The following LRP1B variants were observed in gnomAD, a reference collection of about 807,000 sequenced individuals.
LRP1B encodes low-density lipoprotein receptor-related protein 1B.
Under a neutral mutation model 556.6 loss-of-function variants are expected in LRP1B, and 217 were observed. The ratio of observed to expected loss-of-function variants is 0.39; its 90% CI spans 0.35 to 0.44. LRP1B has a LOEUF of 0.44. LRP1B is among the 20% of genes least tolerant of loss of function. The pLI, the probability that LRP1B is intolerant of heterozygous loss-of-function variation, is 1.00. For missense variants in LRP1B, 5,053 were observed against 5,620.8 expected (o/e 0.90, Z 3.23); for synonymous variants, 2,047 against 1,865.8 (o/e 1.10, Z -2.50).
intron 2 of LRP1B, among the ~76,000 whole-genome samples, chr2:141,800,976 T>C (rs1039627393): frequency 2.0e-5 from 3 of 152,196 alleles, no homozygotes; most frequent in African/African-American, 7.2e-5. Context: ...ATGAATAATG[T>C]ATCATTTATT....
chr2:141,032,048 G>A (rs1038713044), intron 11 of LRP1B, among the ~76,000 whole-genome samples: 2 of 151,972 alleles, frequency 1.3e-5, no homozygotes, highest in South Asian at 2.1e-4. Flanking sequence ...GTCAGATGCA[G>A]GTGCAAAAAT....
At chr2:141,094,422 A>G (rs1379332164) in intron 7 of LRP1B, among the ~76,000 whole-genome samples, 1 of 152,166 alleles carries the variant, frequency 6.6e-6, no homozygotes, top group Non-Finnish European at 1.5e-5. Flanking sequence ...TTTAGTGTTT[A>G]AGGGGGTCTT....
intron 2 of LRP1B, among the ~76,000 whole-genome samples, chr2:141,721,931 T>C (rs763022736): frequency 6.6e-6 from 1 of 152,160 alleles, no homozygotes; most frequent in Non-Finnish European, 1.5e-5. Flanking sequence ...CAGACCCTAG[T>C]AGGTTAAAAC....
intron 1 of LRP1B, among the ~76,000 whole-genome samples, chr2:141,873,832 A>G (rs1698669563): frequency 1.3e-5 from 2 of 151,906 alleles, no homozygotes; most frequent in African/African-American, 4.8e-5. Flanking sequence ...TATTGAGCAA[A>G]TTTGGACCAC....
intron 43 of LRP1B, among the ~76,000 whole-genome samples, chr2:140,580,858 A>C (rs934014642): frequency 6.6e-6 from 1 of 152,122 alleles, no homozygotes; most frequent in African/African-American, 2.4e-5. Context: ...CTCCAGAAAT[A>C]TCCTCCTGGA....
chr2:141,286,773 C>T (rs1042723904), intron 3 of LRP1B: 2 of 437,630 alleles, frequency 4.6e-6, no homozygotes, highest in Non-Finnish European at 9.3e-6. Flanking sequence ...TGTACTTGTA[C>T]ATTGTACAAG....
At chr2:140,584,195 A>G (rs999331200) in intron 43 of LRP1B, among the ~76,000 whole-genome samples, 2 of 152,120 alleles carry the variant, frequency 1.3e-5, no homozygotes, top group Non-Finnish European at 2.9e-5. Flanking sequence ...AATACAAAAA[A>G]TAAGAAATTC....
chr2:140,449,723 T>C (rs1686809036), intron 63 of LRP1B, among the ~76,000 whole-genome samples: 1 of 152,124 alleles, frequency 6.6e-6, no homozygotes, highest in South Asian at 2.1e-4. Flanking sequence ...TATAATAAGG[T>C]GGTAGCAAGC....
At chr2:142,117,322 A>C (rs1174538799) in intron 1 of LRP1B, among the ~76,000 whole-genome samples, 1 of 152,110 alleles carries the variant, frequency 6.6e-6, no homozygotes, top group African/African-American at 2.4e-5. Flanking sequence ...AGGGGGAGGA[A>C]GATGTGAAGA....
intron 2 of LRP1B, among the ~76,000 whole-genome samples, chr2:141,631,315 A>C (rs547493848): frequency 6.6e-6 from 1 of 152,206 alleles, no homozygotes; most frequent in South Asian, 2.1e-4. Flanking sequence ...GATTATGGGA[A>C]CTACAGTTCA....
chr2:141,946,444 T>A (rs778987763), intron 1 of LRP1B, among the ~76,000 whole-genome samples: 3 of 152,074 alleles, frequency 2.0e-5, no homozygotes, highest in Admixed American at 1.3e-4. Context: ...TAGACGTGAA[T>A]GAGATTAGGT....
intron 11 of LRP1B, among the ~76,000 whole-genome samples, chr2:141,021,731 G>T (rs1698069048): frequency 1.3e-5 from 2 of 151,708 alleles, no homozygotes; most frequent in South Asian, 4.2e-4. Context: ...TTTTTCATAT[G>T]AAGCAGTTAC....
In LRP1B at chr2:140,850,980, T is replaced by C. The variant is rs190820230; in HGVS notation, c.4712-651A>G. ...CTTTCAGGTTATTGGTGTTGAGATATGTTATTATGGTGTAAATTAAAGCTA... is the reference window on the plus strand; with the variant it reads ...CTTTCAGGTTATTGGTGTTGAGATACGTTATTATGGTGTAAATTAAAGCTA... On this transcript the variant is annotated intron_variant, in intron 28 of 90. Transcript: ENST00000389484. 2.0e-5 allele frequency among the ~76,000 whole-genome samples: 3 copies of C among 152,268 alleles called. No homozygotes were observed. The East Asian group carries it at 5.8e-4, about 29-fold the overall frequency.
chr2:141,205,843 T>C (rs1018032123), intron 6 of LRP1B, among the ~76,000 whole-genome samples: 1 of 152,150 alleles, frequency 6.6e-6, no homozygotes, highest in African/African-American at 2.4e-5. Flanking sequence ...AAGAAAAAGA[T>C]CATTTATTTT....
chr2:142,063,262 T>G (rs1704986788), intron 1 of LRP1B, among the ~76,000 whole-genome samples: 1 of 151,662 alleles, frequency 6.6e-6, no homozygotes. Flanking sequence ...TTGCAATTGA[T>G]GGAGTCGTGT....
intron 25 of LRP1B, among the ~76,000 whole-genome samples, chr2:140,874,642 G>A (rs1403634759): frequency 1.3e-5 from 2 of 151,452 alleles, no homozygotes; most frequent in African/African-American, 4.9e-5. Flanking sequence ...TTTAAATTAA[G>A]GTTACTACAT....
chr2:141,419,766 A>G (rs183516333), intron 3 of LRP1B, among the ~76,000 whole-genome samples: 2 of 151,854 alleles, frequency 1.3e-5, no homozygotes, highest in Non-Finnish European at 2.9e-5. Context: ...TTCTGCTCTA[A>G]TCTTCATAAT....
intron 37 of LRP1B, among the ~76,000 whole-genome samples, chr2:140,707,991 A>G (rs1467912943): frequency 6.6e-6 from 1 of 152,102 alleles, no homozygotes; most frequent in Non-Finnish European, 1.5e-5. Flanking sequence ...CACTGTACTC[A>G]TGCACTCATC....
intron 5 of LRP1B, among the ~76,000 whole-genome samples, chr2:141,232,387 C>G (rs2105300735): frequency 6.6e-6 from 1 of 152,276 alleles, no homozygotes; most frequent in South Asian, 2.1e-4. Context: ...AAATGACCCA[C>G]TATTGAAAGC....
Sources: gnomAD v4.1 joint callset for allele counts (sites outside exome capture counted in the v4.1 genomes callset) on GRCh38, gnomAD v4.1.1 for gene constraint, MANE v1.5 for transcripts, NCBI Gene and HGNC (gene_info 2026-07-23, HGNC 2026-07-21) for gene names.